TM9SF3: variants seen among roughly 807,000 people sequenced by gnomAD.
TM9SF3 encodes the protein transmembrane 9 superfamily member 3, also known as SM-11044-binding protein.
Under a neutral mutation model 78.6 loss-of-function variants are expected in TM9SF3, and 14 were observed. The ratio of observed to expected loss-of-function variants is 0.18; its 90% CI spans 0.12 to 0.28. The LOEUF (loss-of-function observed/expected upper bound fraction) is 0.28, where lower values mean the gene tolerates loss of function less well. Among genes scored for constraint, TM9SF3 ranks in the 10% least tolerant of loss-of-function variants. TM9SF3 has a pLI of 1.00. For synonymous variants in TM9SF3, 231 were observed against 241.7 expected (o/e 0.96, Z 0.41); for missense variants, 496 against 721.9 (o/e 0.69, Z 3.59).
chr10:96,576,139 A>C (rs982847150), intron 2 of TM9SF3, among the ~76,000 whole-genome samples: 1 of 152,176 alleles, frequency 6.6e-6, no homozygotes, highest in African/African-American at 2.4e-5. Flanking sequence ...CACGCATCCC[A>C]TTACAGCCTC....
intron 2 of TM9SF3, among the ~76,000 whole-genome samples, chr10:96,570,056 A>C (rs1406070763): frequency 6.6e-6 from 1 of 152,244 alleles, no homozygotes; most frequent in Non-Finnish European, 1.5e-5. Context: ...AAAAAACCAC[A>C]GTATCCAAGT....
chr10:96,585,812 C>A (rs1292320545), intron 1 of TM9SF3, among the ~76,000 whole-genome samples: 3 of 152,204 alleles, frequency 2.0e-5, no homozygotes, highest in African/African-American at 7.2e-5. Context: ...AATTACTCGT[C>A]AAGCAAACTC....
In TM9SF3 at chr10:96,538,782, T is replaced by C. The variant is rs568111550; in HGVS notation, c.1185+5294A>G. 2.6e-5 allele frequency among the ~76,000 whole-genome samples: 4 copies of C among 152,294 alleles called. No homozygotes were observed. The South Asian group carries it at 8.3e-4, about 32-fold the overall frequency. On this transcript the variant is annotated intron_variant, in intron 9 of 14. Coordinates refer to ENST00000371142, the MANE Select transcript of TM9SF3 (RefSeq NM_020123.4). ...CAAATAAAAAGATCTTCAACATGAT[T>C]AGTCATTAGGAAGTGCTAATTAAAA...
intron 3 of TM9SF3, among the ~76,000 whole-genome samples, chr10:96,564,187 G>A (rs913081493): frequency 4.0e-5 from 6 of 151,586 alleles, no homozygotes; most frequent in African/African-American, 1.2e-4. Context: ...AGCTGCTCAG[G>A]AGACCAAGGG....
In TM9SF3 at chr10:96,518,759, C is replaced by T. The variant is rs1847724551; in HGVS notation, c.*3504G>A. 1 of 152,090 alleles carries T rather than the reference C, an allele frequency of 6.6e-6. No individual in the cohort carries two copies. The highest frequency in any genetic ancestry group is 1.5e-5 in the Non-Finnish European group (1 of 67,966). The allele number at this position is 152,090 out of a possible 1,614,324, so 9.4% of individuals were successfully genotyped here. A position where few individuals can be genotyped will look rare whatever the true frequency, so the allele number is the denominator to read the frequency against. On this transcript the variant is annotated 3_prime_UTR_variant, in exon 15 of 15. Coordinates refer to ENST00000371142, the MANE Select transcript of TM9SF3 (RefSeq NM_020123.4). ...TTCATATGTTAACGTTCTGATCTAG[C>T]CTACCTGTAAGTCTAGTTTATTTCT...
intron 14 of TM9SF3, among the ~76,000 whole-genome samples, chr10:96,526,568 T>G (rs940460625): frequency 2.0e-5 from 3 of 152,140 alleles, no homozygotes; most frequent in Non-Finnish European, 4.4e-5. Flanking sequence ...CCTCTTCCTT[T>G]TAATAGATGA....
chr10:96,551,494 T>C, intron 6 of TM9SF3, 83 bp from the exon 7 acceptor site: 2 of 1,063,338 alleles, frequency 1.9e-6, no homozygotes, highest in East Asian at 5.7e-5. Flanking sequence ...ATTACAGTTG[T>C]AAGTTTCCTC....
At chr10:96,562,519 G>T (rs1848321399) in intron 3 of TM9SF3, among the ~76,000 whole-genome samples, 2 of 151,990 alleles carry the variant, frequency 1.3e-5, no homozygotes, top group African/African-American at 4.8e-5. Flanking sequence ...AGCTATTAGT[G>T]GTCAAACCAA....
At chr10:96,559,771 A>G in intron 4 of TM9SF3, 35 bp from the exon 5 acceptor site, 2 of 1,308,628 alleles carry the variant, frequency 1.5e-6, no homozygotes, top group Non-Finnish European at 2.1e-6. Flanking sequence ...AATAAAGGCC[A>G]GTAAACAAAT....
intron 1 of TM9SF3, among the ~76,000 whole-genome samples, chr10:96,583,937 G>A (rs1175937459): frequency 6.6e-6 from 1 of 152,154 alleles, no homozygotes; most frequent in Non-Finnish European, 1.5e-5. Flanking sequence ...GGGAGGCTGA[G>A]GCAGGAGAAT....
At position 96,551,427 on chromosome 10, in the gene TM9SF3, T is replaced by TAC; in HGVS notation, c.793-17_793-16insGT. On this transcript the variant is annotated splice_polypyrimidine_tract_variant and intron_variant, in intron 6 of 14. Transcript: ENST00000371142. ...GGTCTCTATCCTATATACAAATATA[T>TAC]ATATAGAGAGAGAAAAGCAAATCAT... 6.7e-7 allele frequency: 1 copy of TAC among 1,497,252 alleles called. No individual in the cohort carries two copies. 92.7% of individuals were successfully genotyped at this position (1,497,252 alleles called of 1,614,324 possible). A position where few individuals can be genotyped will look rare whatever the true frequency, so the allele number is the denominator to read the frequency against.
At chr10:96,558,259 G>C (rs1034556523) in intron 5 of TM9SF3, among the ~76,000 whole-genome samples, 1 of 152,006 alleles carries the variant, frequency 6.6e-6, no homozygotes, top group African/African-American at 2.4e-5. Context: ...CATTATACTC[G>C]AGGAGAACAC....
chr10:96,582,691 GA>G (rs1848584457), intron 1 of TM9SF3, among the ~76,000 whole-genome samples: 1 of 152,116 alleles, frequency 6.6e-6, no homozygotes, highest in Non-Finnish European at 1.5e-5. Flanking sequence ...ACATATTCTA[GA>G]TATGTACATA....
rs59113070 is a variant in TM9SF3 at position 96,579,855 on chromosome 10, T to C, written c.103-3026A>G. ...TTCCAAGACAAGATCAAGAGTTCTC[T>C]CTCAAAAGAAAATGTTTTAAAATAT... is the stretch of plus-strand genomic sequence containing the variant. On this transcript the variant is annotated intron_variant, in intron 1 of 14. Transcript: ENST00000371142. Among the ~76,000 whole-genome samples the C allele has an allele frequency of 4.8e-3, 732 of 152,344 alleles. 9 individuals are homozygous for C. The highest frequency in any genetic ancestry group is 0.017 in the African/African-American group (702 of 41,580).
At position 96,576,659 on chromosome 10, in the gene TM9SF3, A is replaced by G; in HGVS notation, c.273T>C (p.Phe91=). 2 of 1,599,866 alleles carry G rather than the reference A, an allele frequency of 1.3e-6. No homozygotes were observed. Among genetic ancestry groups the G allele is most frequent in the Non-Finnish European group, 1.7e-6 (2 of 1,175,808 alleles). The change falls in exon 2 of 15, where the codon TTT becomes TTC. Residue 91 remains phenylalanine (F), a synonymous_variant. Transcript: ENST00000371142. ...CTTTAAATTTAATATCCAGACCACT[A>G]AATTCCAATTCAACCCCTTGAAGTG... ...GEALQGVELE[F]SGLDIKFKDD... is the part of the protein sequence containing the mutation.
intron 4 of TM9SF3, 147 bp downstream of exon 4, chr10:96,561,831 T>G: frequency 1.5e-6 from 1 of 685,766 alleles, no homozygotes; most frequent in Non-Finnish European, 2.3e-6. Flanking sequence ...GGAGGCTTAC[T>G]TACGTACACT....
chr10:96,551,435 G>T (rs189437097), intron 6 of TM9SF3, 24 bp from the exon 7 acceptor site: 21 of 1,450,950 alleles, frequency 1.4e-5, no homozygotes, highest in South Asian at 1.1e-4. Context: ...TATATATAGA[G>T]AGAGAAAAGC....
chr10:96,547,795 G>C, intron 8 of TM9SF3, 100 bp downstream of exon 8: 1 of 966,898 alleles, frequency 1.0e-6, no homozygotes, highest in Non-Finnish European at 1.6e-6. Context: ...ACTCCAGCCT[G>C]GGTGATGGAG....
chr10:96,559,479 G>T (rs10128106), intron 5 of TM9SF3, among the ~76,000 whole-genome samples, 180 bp downstream of exon 5: 89,343 of 151,984 alleles, frequency 0.59, 27,968 homozygotes, highest in East Asian at 0.83. Flanking sequence ...GGAAGTTTTT[G>T]ATTGCTCCTC....
Sources: allele counts gnomAD v4.1 joint callset (sites outside exome capture counted in the v4.1 genomes callset), GRCh38; gene constraint gnomAD v4.1.1; transcripts MANE v1.5; gene names NCBI Gene and HGNC (gene_info 2026-07-23, HGNC 2026-07-21).